Variants in PANX1 observed in about 807,000 individuals in gnomAD.
The protein encoded by PANX1 is pannexin 1.
A neutral mutation model predicts 38.7 loss-of-function variants in PANX1; 30 were observed. The observed-to-expected ratio is 0.78, with a 90% CI of 0.58 to 1.05. The LOEUF (loss-of-function observed/expected upper bound fraction) is 1.05, where lower values mean the gene tolerates loss of function less well. PANX1 is among the 50% of genes least tolerant of loss of function. The probability of loss-of-function intolerance (pLI) is 0.00; values close to 1 mark genes in which losing one functional copy is unlikely to be tolerated. For synonymous variants in PANX1, 230 were observed against 212.2 expected (o/e 1.08, Z -0.73); for missense variants, 551 against 517.2 (o/e 1.07, Z -0.63).
chr11:94,153,669 A>G (rs1333333715), intron 2 of PANX1, 39 bp downstream of exon 2: 4 of 1,590,936 alleles, frequency 2.5e-6, no homozygotes, highest in Non-Finnish European at 2.6e-6. Flanking sequence ...TGTTTGCTTT[A>G]TAGATAAGGA....
At chr11:94,159,160 A>C (rs981251647) in intron 2 of PANX1, among the ~76,000 whole-genome samples, 1 of 152,060 alleles carries the variant, frequency 6.6e-6, no homozygotes, top group Non-Finnish European at 1.5e-5. Context: ...CCAGTATTTT[A>C]TTGAGGATTT....
chr11:94,149,574 C>T (rs1946863360), intron 1 of PANX1, among the ~76,000 whole-genome samples: 1 of 152,246 alleles, frequency 6.6e-6, no homozygotes, highest in African/African-American at 2.4e-5. Flanking sequence ...GCTGCCTCTG[C>T]ACTCTCAGCC....
At chr11:94,155,995 T>C (rs1015774904) in intron 2 of PANX1, among the ~76,000 whole-genome samples, 5 of 152,342 alleles carry the variant, frequency 3.3e-5, no homozygotes, top group South Asian at 4.1e-4. Flanking sequence ...TCGTTTGTTA[T>C]AGTGTTCTCA....
intron 1 of PANX1, among the ~76,000 whole-genome samples, chr11:94,151,645 AC>A (rs1284454822): frequency 2.0e-5 from 3 of 152,320 alleles, no homozygotes; most frequent in Admixed American, 6.5e-5. Context: ...TGATGCGGGA[AC>A]CGTGTGAGCT....
intron 1 of PANX1, among the ~76,000 whole-genome samples, chr11:94,141,384 G>A (rs1455558874): frequency 1.3e-5 from 2 of 152,052 alleles, no homozygotes; most frequent in East Asian, 3.9e-4. Context: ...ATTTACACTG[G>A]GATTTCATGA....
intron 1 of PANX1, among the ~76,000 whole-genome samples, chr11:94,136,627 G>A (rs969070156): frequency 1.3e-5 from 2 of 152,042 alleles, no homozygotes; most frequent in Non-Finnish European, 2.9e-5. Flanking sequence ...AATTAGCCAG[G>A]TGTGGTGGCG....
chr11:94,143,138 G>A (rs1319080974), intron 1 of PANX1, among the ~76,000 whole-genome samples: 1 of 152,148 alleles, frequency 6.6e-6, no homozygotes, highest in African/African-American at 2.4e-5. Context: ...AACACTCAAG[G>A]CCTTGTCCTA....
chr11:94,134,148 A>G (rs1946661392), intron 1 of PANX1, among the ~76,000 whole-genome samples: 1 of 152,194 alleles, frequency 6.6e-6, no homozygotes, highest in South Asian at 2.1e-4. Flanking sequence ...GATGAGGAAG[A>G]ATCTGTGTTC....
At chr11:94,134,118 C>G (rs1013218943) in intron 1 of PANX1, among the ~76,000 whole-genome samples, 6 of 152,136 alleles carry the variant, frequency 3.9e-5, no homozygotes, top group African/African-American at 1.4e-4. Context: ...GCCTCAGATT[C>G]TTTTTTATGT....
intron 1 of PANX1, among the ~76,000 whole-genome samples, chr11:94,146,343 GA>G (rs11367929): frequency 0.79 from 119,666 of 152,138 alleles, 48,007 homozygotes; most frequent in African/African-American, 0.94. Context: ...AATCAAGTTG[GA>G]AAAAAAATAC....
intron 2 of PANX1, among the ~76,000 whole-genome samples, chr11:94,165,244 T>C (rs1015031132): frequency 8.7e-4 from 132 of 152,100 alleles, no homozygotes; most frequent in African/African-American, 3.0e-3. Flanking sequence ...TGTTAGTTTC[T>C]CTTTTTTTCC....
intron 2 of PANX1, among the ~76,000 whole-genome samples, chr11:94,158,180 A>G (rs1015884833): frequency 1.6e-4 from 24 of 152,160 alleles, no homozygotes; most frequent in African/African-American, 4.8e-4. Context: ...GTCAGGTAGC[A>G]TGATGCCTCC....
intron 2 of PANX1, among the ~76,000 whole-genome samples, chr11:94,163,129 G>A (rs932324448): frequency 2.0e-5 from 3 of 152,066 alleles, no homozygotes; most frequent in Non-Finnish European, 2.9e-5. Flanking sequence ...GATTACAGGC[G>A]TGAGCCACCA....
chr11:94,146,379 A>G (rs1040932065), intron 1 of PANX1, among the ~76,000 whole-genome samples: 5 of 152,214 alleles, frequency 3.3e-5, no homozygotes, highest in African/African-American at 1.2e-4. Context: ...CATTTAAAGT[A>G]TTTGATTCAC....
chr11:94,134,507 G>C (rs572182450), intron 1 of PANX1, among the ~76,000 whole-genome samples: 2 of 152,138 alleles, frequency 1.3e-5, no homozygotes, highest in Non-Finnish European at 2.9e-5. Flanking sequence ...TTCATATGTC[G>C]AAGTCCTGAT....
At chr11:94,155,560 A>G (rs1057269298) in intron 2 of PANX1, among the ~76,000 whole-genome samples, 2 of 152,108 alleles carry the variant, frequency 1.3e-5, no homozygotes, top group African/African-American at 4.8e-5. Flanking sequence ...AAAACGCGCA[A>G]TTACTTTTGC....
At chr11:94,165,199 C>A (rs1401205235) in intron 2 of PANX1, among the ~76,000 whole-genome samples, 1 of 152,014 alleles carries the variant, frequency 6.6e-6, no homozygotes, top group Non-Finnish European at 1.5e-5. Context: ...TAAGGACTTA[C>A]TACTGCAATT....
chr11:94,132,689 A>G (rs1034013868), intron 1 of PANX1, among the ~76,000 whole-genome samples: 4 of 152,194 alleles, frequency 2.6e-5, no homozygotes, highest in Admixed American at 2.6e-4. Flanking sequence ...AAACTAGTAT[A>G]TATAAGAATT....
At chr11:94,134,705 C>T (rs1946668112) in intron 1 of PANX1, among the ~76,000 whole-genome samples, 1 of 150,042 alleles carries the variant, frequency 6.7e-6, no homozygotes, top group Non-Finnish European at 1.5e-5. Flanking sequence ...TCTCCCACTA[C>T]CCCCCTTCCT....
Sources: allele counts gnomAD v4.1 joint callset (sites outside exome capture counted in the v4.1 genomes callset), GRCh38; gene constraint gnomAD v4.1.1; transcripts MANE v1.5; gene names NCBI Gene and HGNC (gene_info 2026-07-23, HGNC 2026-07-21).